Variants in NRXN1 observed in about 807,000 individuals in gnomAD.
NRXN1 encodes the protein neurexin-1.
In NRXN1, 39 loss-of-function variants were observed where a neutral mutation model predicts 150.9. The ratio of observed to expected loss-of-function variants is 0.26; its 90% CI spans 0.20 to 0.34. The LOEUF (loss-of-function observed/expected upper bound fraction) is 0.34, where lower values mean the gene tolerates loss of function less well. NRXN1 is among the 10% of genes least tolerant of loss of function. NRXN1 has a pLI of 1.00. For synonymous variants in NRXN1, 924 were observed against 757.0 expected, an observed-to-expected ratio of 1.22 and a Z score of -3.62; for missense variants, 1,815 against 1,949.9, an observed-to-expected ratio of 0.93 and a Z score of 1.30.
At chr2:50,717,671 C>T (rs1696041927) in intron 5 of NRXN1, among the ~76,000 whole-genome samples, 1 of 152,092 alleles carries the variant, frequency 6.6e-6, no homozygotes, top group South Asian at 2.1e-4. Context: ...GTGACTTAAA[C>T]CACAAACATT....
At chr2:50,268,848 G>A (rs938458955) in intron 17 of NRXN1, among the ~76,000 whole-genome samples, 1 of 152,170 alleles carries the variant, frequency 6.6e-6, no homozygotes, top group African/African-American at 2.4e-5. Context: ...AAGCATAGGT[G>A]CATAACCAAT....
At chr2:49,943,875 A>T in intron 21 of NRXN1, 84 bp from the exon 22 acceptor site, 3 of 1,029,344 alleles carry the variant, frequency 2.9e-6, no homozygotes, top group Non-Finnish European at 4.5e-6. Flanking sequence ...AGTGAAATAC[A>T]ATTTGTTTAT....
chr2:50,611,027 TGAGCCACTCCAC>T (rs1244433996), intron 8 of NRXN1, among the ~76,000 whole-genome samples: 2 of 149,816 alleles, frequency 1.3e-5, no homozygotes, highest in Non-Finnish European at 3.0e-5. Context: ...ACTACAGGCA[TGAGCCACTCCAC>T]ACCTGGCCCA....
chr2:50,792,033 A>C (rs1300023617), intron 5 of NRXN1, among the ~76,000 whole-genome samples: 2 of 152,148 alleles, frequency 1.3e-5, no homozygotes, highest in Non-Finnish European at 2.9e-5. Context: ...TATGGACAGA[A>C]GAAACAAAAT....
chr2:49,967,879 A>G (rs1264603033), intron 21 of NRXN1, among the ~76,000 whole-genome samples: 1 of 152,062 alleles, frequency 6.6e-6, no homozygotes, highest in Non-Finnish European at 1.5e-5. Flanking sequence ...TTGTAAAGCA[A>G]TCAAGAGCTA....
chr2:50,807,330 CA>C (rs1667634131), intron 5 of NRXN1, among the ~76,000 whole-genome samples: 1 of 152,108 alleles, frequency 6.6e-6, no homozygotes, highest in South Asian at 2.1e-4. Flanking sequence ...CTCAAGGGAT[CA>C]ACTAACTAAT....
chr2:50,419,861 C>A (rs1185370940), intron 17 of NRXN1, among the ~76,000 whole-genome samples: 3 of 152,054 alleles, frequency 2.0e-5, no homozygotes, highest in African/African-American at 7.2e-5. Flanking sequence ...TTTGAAACCT[C>A]AGTTTTACTT....
intron 8 of NRXN1, among the ~76,000 whole-genome samples, chr2:50,617,488 G>A (rs1679250190): frequency 1.3e-5 from 2 of 151,092 alleles, no homozygotes; most frequent in Non-Finnish European, 2.9e-5. Context: ...TAGATTAATT[G>A]TGCTGATATC....
chr2:50,418,530 T>A (rs1010123821), intron 17 of NRXN1, among the ~76,000 whole-genome samples: 4 of 152,102 alleles, frequency 2.6e-5, no homozygotes, highest in African/African-American at 7.2e-5. Flanking sequence ...GAACTTAGAT[T>A]AGTGTCTTTT....
intron 18 of NRXN1, among the ~76,000 whole-genome samples, chr2:50,097,810 T>C (rs1700445696): frequency 6.6e-6 from 1 of 152,114 alleles, no homozygotes; most frequent in Non-Finnish European, 1.5e-5. Flanking sequence ...CAGCTAATAA[T>C]GTATTTTTGG....
intron 21 of NRXN1, among the ~76,000 whole-genome samples, chr2:50,015,753 G>T (rs1334398712): frequency 6.6e-6 from 1 of 152,108 alleles, no homozygotes; most frequent in Admixed American, 6.5e-5. Flanking sequence ...GACAAAAAGA[G>T]ATTCATAGAT....
chr2:50,765,244 C>T lies in NRXN1; in HGVS notation c.833-141629G>A, dbSNP rs781292270. 3.7e-4 allele frequency among the ~76,000 whole-genome samples: 57 copies of T among 152,106 alleles called. 1 individual carries two copies. The Middle Eastern group carries it at 0.017, about 45-fold the overall frequency. ...TTTACCAGATGCTCCTGTGGCCAAA[C>T]CCTAATTGTTCACTTCAAAACAAAA... On this transcript the variant is annotated intron_variant, in intron 5 of 22. Transcript: ENST00000401669.
intron 18 of NRXN1, among the ~76,000 whole-genome samples, chr2:50,125,368 C>T (rs146935340): frequency 6.6e-6 from 1 of 152,226 alleles, no homozygotes; most frequent in Non-Finnish European, 1.5e-5. Context: ...CTTAGTAACA[C>T]AGAAATGTAT....
At chr2:50,443,877 C>T (rs2104469810) in intron 17 of NRXN1, among the ~76,000 whole-genome samples, 1 of 152,072 alleles carries the variant, frequency 6.6e-6, no homozygotes, top group East Asian at 1.9e-4. Flanking sequence ...TTTTTTCTGT[C>T]TTATAGATTG....
intron 19 of NRXN1, among the ~76,000 whole-genome samples, chr2:50,078,935 T>C (rs1697495065): frequency 6.6e-6 from 1 of 152,080 alleles, no homozygotes; most frequent in Non-Finnish European, 1.5e-5. Flanking sequence ...TTTTCGCACT[T>C]ATTTTGGTAT....
At chr2:50,444,031 G>A (rs1262953547) in intron 17 of NRXN1, among the ~76,000 whole-genome samples, 3 of 152,128 alleles carry the variant, frequency 2.0e-5, no homozygotes, top group Non-Finnish European at 4.4e-5. Context: ...GAAAACTACT[G>A]CTAACCACAA....
intron 5 of NRXN1, among the ~76,000 whole-genome samples, chr2:50,715,089 A>C (rs1350116699): frequency 6.6e-6 from 1 of 152,158 alleles, no homozygotes; most frequent in African/African-American, 2.4e-5. Context: ...TATGGAAAAC[A>C]ATGCAAAAAT....
intron 17 of NRXN1, among the ~76,000 whole-genome samples, chr2:50,411,332 A>G (rs1339058958): frequency 6.6e-6 from 1 of 152,020 alleles, no homozygotes; most frequent in Admixed American, 6.6e-5. Context: ...TCAGTGCTCA[A>G]TGTTGCCCAG....
intron 5 of NRXN1, among the ~76,000 whole-genome samples, chr2:50,910,370 T>A (rs1684350265): frequency 6.6e-6 from 1 of 151,994 alleles, no homozygotes; most frequent in Admixed American, 6.6e-5. Context: ...TTCATCCCCA[T>A]AGCTAAAAGA....
Sources: allele counts gnomAD v4.1 joint callset (sites outside exome capture counted in the v4.1 genomes callset), GRCh38; gene constraint gnomAD v4.1.1; transcripts MANE v1.5; gene names NCBI Gene and HGNC (gene_info 2026-07-23, HGNC 2026-07-21).